The following DPP6 variants were observed in gnomAD, a reference collection of about 807,000 sequenced individuals.
The protein encoded by DPP6 is dipeptidyl peptidase like 6.
DPP6 carries 69 observed loss-of-function variants against 122.6 expected under a neutral mutation model. That is an observed-to-expected ratio of 0.56 (90% CI 0.46 to 0.69). The LOEUF (loss-of-function observed/expected upper bound fraction) is 0.69. Ranked by LOEUF, DPP6 falls within the 30% of genes least tolerant of loss-of-function variation. The pLI is 0.00. For synonymous variants in DPP6, 418 were observed against 433.1 expected, an observed-to-expected ratio of 0.97 and a Z score of 0.43; for missense variants, 928 against 1,116.9, an observed-to-expected ratio of 0.83 and a Z score of 2.41.
chr7:153,837,164 G>A, the DPP6 span, among the ~76,000 whole-genome samples: 1 of 152,126 alleles, frequency 6.6e-6, no homozygotes. Context: ...TCTCCTTCAA[G>A]GAAAGTGAAA....
intron 1 of DPP6, among the ~76,000 whole-genome samples, chr7:154,329,357 G>C (rs1249909427): frequency 2.0e-5 from 3 of 152,206 alleles, no homozygotes; most frequent in Non-Finnish European, 4.4e-5. Context: ...CAGGGACGAT[G>C]AGCTTTTCTC....
chr7:154,810,584 G>C (rs1381165966), intron 16 of DPP6, among the ~76,000 whole-genome samples: 1 of 152,170 alleles, frequency 6.6e-6, no homozygotes, highest in Non-Finnish European at 1.5e-5. Flanking sequence ...TTATTGTGAA[G>C]AGATGACTCC....
At chr7:154,587,072 A>G (rs1483679247) in intron 5 of DPP6, 1 of 152,702 alleles carries the variant, frequency 6.5e-6, no homozygotes, top group Non-Finnish European at 1.5e-5. Context: ...TTCCTTCACA[A>G]AAGGATGCGC....
In DPP6 at chr7:154,274,410, A is replaced by G. The variant is rs375953603; in HGVS notation, c.244-171804A>G. Among the ~76,000 whole-genome samples, 3 of 152,300 alleles carry G rather than the reference A, an allele frequency of 2.0e-5. No individual in the cohort carries two copies. The East Asian group carries it at 5.8e-4, about 29-fold the overall frequency. The stretch of plus-strand genomic sequence containing the variant: ...CAATAGAATATGTGAGCCATTTCAC[A>G]CTGGAGTTGATCTACATAAAGTCAG... On this transcript the variant is annotated intron_variant, in intron 1 of 25. Transcript: ENST00000377770.
Position 153,918,454 on chromosome 7 carries a change from ACACACACACACACT to A in DPP6, c.51+30722_51+30735del, listed in dbSNP as rs1427234936. On this transcript the variant is annotated intron_variant, in intron 1 of 25. Coordinates refer to the DPP6 transcript ENST00000404039. ...CACACACACACACACACACACACAC[ACACACACACACACT>A]CTCTCTCTCTCTCTCTCTCTCTTTT... 1.1e-3 allele frequency among the ~76,000 whole-genome samples: 149 copies of A among 136,708 alleles called. 6 individuals carry two copies. The highest frequency in any genetic ancestry group is 2.6e-3 in the Admixed American group (34 of 13,278). The allele number at this position is 136,708 out of a possible 152,430, so 89.7% of individuals were successfully genotyped here.
chr7:154,376,838 A>G (rs1813168976), intron 1 of DPP6, among the ~76,000 whole-genome samples: 2 of 152,164 alleles, frequency 1.3e-5, no homozygotes. Context: ...TTGGCTCCTA[A>G]CTGGGGAATT....
At chr7:154,784,405 G>A (rs532550168) in intron 10 of DPP6, among the ~76,000 whole-genome samples, 15 of 152,156 alleles carry the variant, frequency 9.9e-5, no homozygotes, top group Non-Finnish European at 1.9e-4. Context: ...CCCGCAGAGA[G>A]CTCAGCACAC....
intron 1 of DPP6, among the ~76,000 whole-genome samples, chr7:153,983,819 G>C (rs890290312): frequency 6.6e-6 from 1 of 152,010 alleles, no homozygotes; most frequent in African/African-American, 2.4e-5. Flanking sequence ...GACCCCTTGT[G>C]CTTCCTGAGT....
chr7:153,940,936 A>G (rs1801668920), intron 1 of DPP6, among the ~76,000 whole-genome samples: 1 of 152,160 alleles, frequency 6.6e-6, no homozygotes, highest in Admixed American at 6.5e-5. Context: ...TGGAACTTCC[A>G]TAGACATTGG....
At chr7:154,622,888 G>C (rs62477221) in intron 5 of DPP6, among the ~76,000 whole-genome samples, 4 of 152,132 alleles carry the variant, frequency 2.6e-5, no homozygotes, top group East Asian at 3.9e-4. Context: ...CTAATTGTCT[G>C]TCTTACCCAA....
At chr7:154,633,482 C>T (rs982220090) in intron 5 of DPP6, among the ~76,000 whole-genome samples, 7 of 152,288 alleles carry the variant, frequency 4.6e-5, no homozygotes, top group Middle Eastern at 3.4e-3. Context: ...GTGATCCACC[C>T]GCCTCAGCCT....
At chr7:153,841,057 C>A in the DPP6 span, among the ~76,000 whole-genome samples, 28 of 152,214 alleles carry the variant, frequency 1.8e-4, no homozygotes, top group East Asian at 3.9e-3. Flanking sequence ...GCAGAAGAGC[C>A]CCAACCCCAG....
chr7:154,727,947 A>T, intron 8 of DPP6, 60 bp downstream of exon 8: 1 of 1,493,046 alleles, frequency 6.7e-7, no homozygotes, highest in Non-Finnish European at 9.0e-7. Context: ...GCTACATTGG[A>T]GTTGGGTTCT....
the DPP6 span, among the ~76,000 whole-genome samples, chr7:153,796,384 G>A: frequency 7.0e-6 from 1 of 142,808 alleles, no homozygotes; most frequent in Non-Finnish European, 1.5e-5. Context: ...AATAGTATAT[G>A]CTCTGAAATC....
chr7:154,653,754 G>A (rs756293285), intron 6 of DPP6, among the ~76,000 whole-genome samples: 7 of 151,852 alleles, frequency 4.6e-5, no homozygotes, highest in Admixed American at 1.3e-4. Flanking sequence ...AGCATTTACT[G>A]AACCCCCCAA....
At chr7:153,982,203 T>C (rs200950680) in intron 1 of DPP6, among the ~76,000 whole-genome samples, 18,980 of 151,086 alleles carry the variant, frequency 0.13, 757 homozygotes, top group Non-Finnish European at 0.18. Context: ...GTTTGGTCTT[T>C]CCACATAGTC....
At chr7:153,903,074 A>T (rs191029682) in intron 1 of DPP6, among the ~76,000 whole-genome samples, 33 of 152,288 alleles carry the variant, frequency 2.2e-4, no homozygotes, top group Admixed American at 1.6e-3. Context: ...AGTGCTCGAG[A>T]TGTTGACACA....
intron 1 of DPP6, among the ~76,000 whole-genome samples, chr7:154,341,078 T>G (rs139406703): frequency 6.6e-6 from 1 of 152,342 alleles, no homozygotes; most frequent in African/African-American, 2.4e-5. Flanking sequence ...AGATACTAGT[T>G]TTTATGCTTG....
chr7:154,592,448 G>C (rs1371893086), intron 5 of DPP6, among the ~76,000 whole-genome samples: 1 of 152,240 alleles, frequency 6.6e-6, no homozygotes, highest in Non-Finnish European at 1.5e-5. Flanking sequence ...CGCAGGCACA[G>C]GGAATACTGT....
Sources: gnomAD v4.1 joint callset for allele counts (sites outside exome capture counted in the v4.1 genomes callset) on GRCh38, gnomAD v4.1.1 for gene constraint, MANE v1.5 for transcripts, NCBI Gene and HGNC (gene_info 2026-07-23, HGNC 2026-07-21) for gene names.